Variants in KIAA0319L observed in about 807,000 individuals in gnomAD.
KIAA0319L encodes KIAA0319 like, also known as dyslexia-associated protein KIAA0319-like protein.
In KIAA0319L, 55 loss-of-function variants were observed where a neutral mutation model predicts 120.1. The observed-to-expected ratio is 0.46, with a 90% CI of 0.37 to 0.57. The LOEUF (loss-of-function observed/expected upper bound fraction) is 0.57, where lower values mean the gene tolerates loss of function less well. Among genes scored for constraint, KIAA0319L ranks in the 20% least tolerant of loss-of-function variants. The pLI is 0.00. For missense variants in KIAA0319L, 1,049 were observed against 1,255.3 expected, an observed-to-expected ratio of 0.84 and a Z score of 2.48; for synonymous variants, 398 against 471.9, an observed-to-expected ratio of 0.84 and a Z score of 2.03.
At chr1:35,467,117 AC>A (rs948468240) in intron 6 of KIAA0319L, among the ~76,000 whole-genome samples, 13 of 151,816 alleles carry the variant, frequency 8.6e-5, no homozygotes, top group African/African-American at 3.1e-4. Context: ...AAAAAAAAAA[AC>A]CCTTTTAATG....
rs1001469660 is a variant in KIAA0319L at position 35,434,294 on chromosome 1, A to C, written c.*600T>G. 1 of 151,692 alleles carries C rather than the reference A, an allele frequency of 6.6e-6. No individual in the cohort carries two copies. The highest frequency in any genetic ancestry group is 2.4e-5 in the African/African-American group (1 of 41,246). 9.4% of individuals were successfully genotyped at this position (151,692 alleles called of 1,614,324 possible). ...AGTAGAGATGGGGTTTCACCGTGTTAGCCAGGGTGGTCTTGATCTCCTGAC... is the reference window on the plus strand; with the variant it reads ...AGTAGAGATGGGGTTTCACCGTGTTCGCCAGGGTGGTCTTGATCTCCTGAC... On this transcript the variant is annotated 3_prime_UTR_variant, in exon 21 of 21. Transcript: ENST00000325722.
At chr1:35,447,446 C>T (rs946704110) in intron 16 of KIAA0319L, among the ~76,000 whole-genome samples, 1 of 152,142 alleles carries the variant, frequency 6.6e-6, no homozygotes, top group Admixed American at 6.6e-5. Flanking sequence ...AACCAAGTGA[C>T]TTCTTCTGGA....
chr1:35,487,059 C>T (rs1464059251), intron 3 of KIAA0319L, among the ~76,000 whole-genome samples: 2 of 152,170 alleles, frequency 1.3e-5, no homozygotes, highest in African/African-American at 4.8e-5. Context: ...ATCACCCTTT[C>T]CTGTTCCTGT....
chr1:35,520,402 T>G (rs904159400), intron 2 of KIAA0319L, among the ~76,000 whole-genome samples: 3 of 151,924 alleles, frequency 2.0e-5, no homozygotes, highest in Non-Finnish European at 2.9e-5. Context: ...CCGGCCTCTT[T>G]TTTTTCTTTA....
At chr1:35,553,729 AAGAAAG>A (rs1647509080) in intron 2 of KIAA0319L, among the ~76,000 whole-genome samples, 1 of 151,782 alleles carries the variant, frequency 6.6e-6, no homozygotes. Flanking sequence ...GAAAGAAAGA[AAGAAAG>A]AAAGAAAGGG....
chr1:35,473,079 C>CA (rs1643729177), intron 5 of KIAA0319L, among the ~76,000 whole-genome samples: 2 of 124,134 alleles, frequency 1.6e-5, no homozygotes, highest in African/African-American at 7.4e-5. Context: ...CTGCGCCCAG[C>CA]CTTTTTTTTT....
chr1:35,447,956 T>C (rs1172407419), intron 16 of KIAA0319L, among the ~76,000 whole-genome samples: 2 of 152,204 alleles, frequency 1.3e-5, no homozygotes, highest in Admixed American at 6.5e-5. Flanking sequence ...GTTGTCAAAA[T>C]AGTTGACCTC....
chr1:35,441,561 C>T (rs1263736602), intron 19 of KIAA0319L, among the ~76,000 whole-genome samples: 1 of 152,098 alleles, frequency 6.6e-6, no homozygotes, highest in African/African-American at 2.4e-5. Context: ...AGTTGAATCT[C>T]AGCTCTGTCA....
In KIAA0319L at chr1:35,555,256, C is replaced by T. The variant is rs75144951; in HGVS notation, c.-28-737G>A. Among the ~76,000 whole-genome samples, 1,456 of 152,252 alleles carry T rather than the reference C, an allele frequency of 9.6e-3. 31 individuals carry two copies. The highest frequency in any genetic ancestry group is 0.033 in the African/African-American group (1,385 of 41,534). ...TAAATTAGTACGTAAATATTGGCAA[C>T]ATTATGAGGGTTGACTGAGTTCTGA... On this transcript the variant is annotated intron_variant, in intron 1 of 20. Coordinates refer to ENST00000325722, the MANE Select transcript of KIAA0319L (RefSeq NM_024874.5).
chr1:35,554,722 C>A, intron 1 of KIAA0319L: 4 of 354,396 alleles, frequency 1.1e-5, no homozygotes, highest in East Asian at 4.3e-5. Flanking sequence ...CAAGGGATAT[C>A]AAATGAATCC....
At chr1:35,449,450 T>C (rs1641882340) in intron 15 of KIAA0319L, among the ~76,000 whole-genome samples, 1 of 152,210 alleles carries the variant, frequency 6.6e-6, no homozygotes, top group South Asian at 2.1e-4. Flanking sequence ...TAAAAATAAA[T>C]TGTTTTCTGC....
intron 3 of KIAA0319L, among the ~76,000 whole-genome samples, chr1:35,489,354 G>C (rs914102714): frequency 2.0e-5 from 3 of 152,140 alleles, no homozygotes; most frequent in African/African-American, 4.8e-5. Context: ...CAGACATCAG[G>C]TGATAAAAAA....
At chr1:35,513,288 A>ATATATATTTTT (rs1414704674) in intron 2 of KIAA0319L, among the ~76,000 whole-genome samples, 3 of 85,302 alleles carry the variant, frequency 3.5e-5, no homozygotes, top group East Asian at 2.9e-4. Flanking sequence ...ATATATATAT[A>ATATATATTTTT]TTTTTTTTTT....
chr1:35,492,279 G>A (rs1644624878), intron 3 of KIAA0319L, among the ~76,000 whole-genome samples: 1 of 152,128 alleles, frequency 6.6e-6, no homozygotes, highest in Non-Finnish European at 1.5e-5. Context: ...ACTTTGGGAA[G>A]CTGAGGCAGG....
chr1:35,547,081 G>A lies in KIAA0319L; in HGVS notation c.142+7269C>T, dbSNP rs922181475. Among the ~76,000 whole-genome samples the A allele has an allele frequency of 2.8e-5, 4 of 141,842 alleles. No homozygotes were observed. The South Asian group carries it at 6.6e-4, about 23-fold the overall frequency. The allele number at this position is 141,842 out of a possible 152,430, so 93.1% of individuals were successfully genotyped here. On this transcript the variant is annotated intron_variant, in intron 2 of 20. Coordinates refer to ENST00000325722, the MANE Select transcript of KIAA0319L (RefSeq NM_024874.5). Reference sequence around the variant, plus strand: ...TTTATATACAAATAGTGGAATTGCTGGATCATATATATTATTACATATATT... The same window carrying A: ...TTTATATACAAATAGTGGAATTGCTAGATCATATATATTATTACATATATT...
Position 35,442,313 on chromosome 1 carries a change from T to A in KIAA0319L, c.2803A>T (p.Ile935Phe). The A allele has an allele frequency of 6.2e-7, 1 of 1,613,816 alleles. No individual in the cohort carries two copies. The highest frequency in any genetic ancestry group is 8.5e-7 in the Non-Finnish European group (1 of 1,179,740). Reference sequence around the variant, plus strand: ...GCAACAACAATGACAAAGGTAGCAATGATAACATATAACACGCTCCACTCT... The same window carrying A: ...GCAACAACAATGACAAAGGTAGCAAAGATAACATATAACACGCTCCACTCT... ...NCEWSVLYVI[I>F]ATFVIVVALG... The change falls in exon 19 of 21, where the codon ATT becomes TTT. Residue 935 changes from isoleucine to phenylalanine, a missense_variant. Transcript: ENST00000325722.
At chr1:35,457,061 C>T (rs1036957601) in intron 9 of KIAA0319L, among the ~76,000 whole-genome samples, 4 of 152,092 alleles carry the variant, frequency 2.6e-5, no homozygotes, top group Non-Finnish European at 5.9e-5. Flanking sequence ...GCTGCCTGCA[C>T]GCATCTGTGT....
At chr1:35,466,533 C>T in intron 7 of KIAA0319L, 75 bp downstream of exon 7, 1 of 992,502 alleles carries the variant, frequency 1.0e-6, no homozygotes, top group Non-Finnish European at 1.6e-6. Flanking sequence ...AATCAAAAAC[C>T]CCAAATCAAA....
intron 2 of KIAA0319L, among the ~76,000 whole-genome samples, chr1:35,520,868 T>A (rs72659620): frequency 0.033 from 5,092 of 152,258 alleles, 122 homozygotes; most frequent in Middle Eastern, 0.071. Context: ...GAGACTAATA[T>A]AAATGCTCTG....
Sources: allele counts gnomAD v4.1 joint callset (sites outside exome capture counted in the v4.1 genomes callset), GRCh38; gene constraint gnomAD v4.1.1; transcripts MANE v1.5; gene names NCBI Gene and HGNC (gene_info 2026-07-23, HGNC 2026-07-21).